TAF1: variants seen among roughly 807,000 people sequenced by gnomAD.
TAF1 encodes transcription initiation factor TFIID subunit 1.
A neutral mutation model predicts 138.5 loss-of-function variants in TAF1; 2 were observed. That is an observed-to-expected ratio of 0.01 (90% confidence interval 0.01 to 0.05). TAF1 has a LOEUF of 0.05. TAF1 is among the 10% of genes least tolerant of loss of function. The pLI, the probability that TAF1 is intolerant of heterozygous loss-of-function variation, is 1.00. For missense variants in TAF1, 709 were observed against 1,478.0 expected, an observed-to-expected ratio of 0.48 and a Z score of 8.53; for synonymous variants, 437 against 503.2, an observed-to-expected ratio of 0.87 and a Z score of 1.76.
chrX:71,381,662 CT>C lies in TAF1; in HGVS notation c.1361-76del, dbSNP rs2033899793. On this transcript the variant is annotated intron_variant, in intron 8 of 37. Coordinates refer to ENST00000423759, the MANE Select transcript of TAF1 (RefSeq NM_004606.5). Reference sequence around the variant, plus strand: ...ACTCGCTCTACTAACATGAGTAACTCTTTTTATCTTTGCCAGAATCTTGATT... The same window carrying C: ...ACTCGCTCTACTAACATGAGTAACTCTTTTATCTTTGCCAGAATCTTGATT... The C allele has an allele frequency of 3.7e-6, 4 of 1,084,803 alleles. No individual in the cohort carries two copies. The South Asian group carries it at 8.3e-5, about 22-fold the overall frequency. The allele number at this position is 1,084,803 out of a possible 1,213,427, so 89.4% of individuals were successfully genotyped here.
intron 13 of TAF1, among the ~76,000 whole-genome samples, chrX:71,508,086 C>CTCTATATA (rs4040068): frequency 1.4e-3 from 130 of 92,170 alleles, no homozygotes; most frequent in Non-Finnish European, 2.2e-3. Context: ...CTCTCTCTCT[C>CTCTATATA]TATATATATA....
chrX:71,492,993 C>T (rs2039323973), intron 13 of TAF1: 3 of 111,998 alleles, frequency 2.7e-5, no homozygotes, highest in Middle Eastern at 9.3e-3. Flanking sequence ...TCACTGTGCT[C>T]CACTGCAAGT....
chrX:71,379,596 CTTTTTTTT>C (rs10714417), intron 8 of TAF1, among the ~76,000 whole-genome samples: 1 of 57,591 alleles, frequency 1.7e-5, no homozygotes. Context: ...TGATAAAGAT[CTTTTTTTT>C]TTTTTTTTTT....
intron 13 of TAF1, among the ~76,000 whole-genome samples, chrX:71,504,344 G>C (rs914886710): frequency 1.8e-5 from 2 of 110,060 alleles, no homozygotes; most frequent in African/African-American, 6.6e-5. Flanking sequence ...TCATTTCATT[G>C]ATAAGACAAG....
intron 32 of TAF1, among the ~76,000 whole-genome samples, chrX:71,433,735 T>TA (rs745626578): frequency 8.1e-5 from 9 of 110,935 alleles, no homozygotes; most frequent in South Asian, 7.6e-4. Flanking sequence ...TCTGGCATAG[T>TA]AAAAAACAGG....
In TAF1 at chrX:71,392,993, A is replaced by G. The variant is rs762854119; in HGVS notation, c.3050A>G (p.Glu1017Gly). 8.3e-7 allele frequency: 1 copy of G among 1,211,393 alleles called. No homozygotes were observed. The highest frequency in any genetic ancestry group is 1.1e-6 in the Non-Finnish European group (1 of 895,414). ...CGTAAATTTGGTGTGCCTGAGGAAG[A>G]GGTGAGTGTGGAAGTGGAAAATTTA... ...LLRKFGVPEE[E>G]IKKLSRWEVI... The change falls in exon 20 of 38, where the codon GAG becomes GGG. Residue 1017 changes from glutamate to glycine, a missense_variant and splice_region_variant. Glu to Gly is a moderately conservative substitution (Grantham distance 98). Around this residue, in one of 14 missense-constraint regions of TAF1, gnomAD observed 31 missense variants for 140.4 expected, o/e 0.22. Coordinates refer to ENST00000423759, the MANE Select transcript of TAF1 (RefSeq NM_004606.5).
At chrX:71,390,562 C>T (rs1248640168) in intron 18 of TAF1, among the ~76,000 whole-genome samples, 1 of 111,496 alleles carries the variant, frequency 9.0e-6, no homozygotes, top group East Asian at 2.8e-4. Flanking sequence ...CTCTGTTACC[C>T]AGGCTGTACC....
In TAF1 at chrX:71,387,488, T is replaced by C. The variant is rs773429324; in HGVS notation, c.2427+27T>C. On this transcript the variant is annotated intron_variant, in intron 15 of 37. Coordinates refer to ENST00000423759, the MANE Select transcript of TAF1 (RefSeq NM_004606.5). ...TAAGAATGGGAGGATAGGGAGGGGATTGGGTTGTATACAGAAAGGGTATGT... is the reference window on the plus strand; with the variant it reads ...TAAGAATGGGAGGATAGGGAGGGGACTGGGTTGTATACAGAAAGGGTATGT... 76 of 1,206,114 alleles carry C rather than the reference T, an allele frequency of 6.3e-5. No individual in the cohort carries two copies. In the Admixed American group the frequency reaches 1.0e-3, roughly 16 times the overall value.
At chrX:71,395,160 C>T (rs2034780040) in intron 22 of TAF1, among the ~76,000 whole-genome samples, 1 of 111,479 alleles carries the variant, frequency 9.0e-6, no homozygotes, top group African/African-American at 3.3e-5. Flanking sequence ...ATCAAGGCAA[C>T]CTTAAGATTT....
At chrX:71,481,327 T>A (rs1202593086) in intron 13 of TAF1, among the ~76,000 whole-genome samples, 1 of 112,080 alleles carries the variant, frequency 8.9e-6, no homozygotes, top group African/African-American at 3.2e-5. Flanking sequence ...GACTGATATT[T>A]GACAGATAAA....
At chrX:71,444,196 C>T (rs766199866) in intron 32 of TAF1, among the ~76,000 whole-genome samples, 2 of 111,109 alleles carry the variant, frequency 1.8e-5, no homozygotes, top group South Asian at 3.7e-4. Flanking sequence ...TTAGTAGAGA[C>T]GGGGTTTTGC....
chrX:71,446,961 T>C (rs2037721445), intron 32 of TAF1, among the ~76,000 whole-genome samples: 1 of 112,332 alleles, frequency 8.9e-6, no homozygotes, highest in African/African-American at 3.2e-5. Flanking sequence ...GATTCACTTC[T>C]CTTTAATTTT....
At chrX:71,436,413 C>T (rs1369525061) in intron 32 of TAF1, among the ~76,000 whole-genome samples, 1 of 108,988 alleles carries the variant, frequency 9.2e-6, no homozygotes, top group Non-Finnish European at 1.9e-5. Flanking sequence ...GACGGGGTTT[C>T]ACCATGTTAG....
intron 28 of TAF1, among the ~76,000 whole-genome samples, chrX:71,415,422 CCACCG>C (rs2035988834): frequency 7.7e-5 from 1 of 12,952 alleles, no homozygotes; most frequent in African/African-American, 2.1e-4. Context: ...CAGGCATGAG[CCACCG>C]CACCCAGCCA....
chrX:71,407,804 TTTG>T, intron 27 of TAF1, 132 bp downstream of exon 27: 1 of 948,121 alleles, frequency 1.1e-6, no homozygotes, highest in East Asian at 3.2e-5. Flanking sequence ...GTTAGTTTTT[TTTG>T]TTTGTTTGTT....
At position 71,487,385 on chromosome X, in the gene TAF1, G is replaced by A. The variant is rs188649667; in HGVS notation, c.1366+26582G>A. ...GTCACCTAGGCTGGAGTGCAGTGGC[G>A]CGACCTTGGCTCACTGCAAGCTCTG... On this transcript the variant is annotated intron_variant and NMD_transcript_variant, in intron 13 of 14. Coordinates refer to the TAF1 transcript ENST00000373775. Among the ~76,000 whole-genome samples the A allele has an allele frequency of 1.4e-4, 14 of 98,375 alleles. No individual in the cohort carries two copies. The East Asian group carries it at 4.5e-3, about 31-fold the overall frequency. The allele number at this position is 98,375 out of a possible 115,157, so 85.4% of individuals were successfully genotyped here. A position where few individuals can be genotyped will look rare whatever the true frequency, so the allele number is the denominator to read the frequency against.
Position 71,456,442 on chromosome X carries a change from A to G in TAF1, c.4938+1585A>G, listed in dbSNP as rs373904712. On this transcript the variant is annotated intron_variant, in intron 34 of 37. Transcript: ENST00000423759. ...TCCCTTCACTCACAAACAGTTTAAG[A>G]TAGTAACCAACTCATTATCTCTTAA... 9.0e-5 allele frequency among the ~76,000 whole-genome samples: 10 copies of G among 110,755 alleles called. No individual in the cohort carries two copies. In the East Asian group the frequency reaches 2.0e-3, roughly 22 times the overall value.
intron 32 of TAF1, among the ~76,000 whole-genome samples, chrX:71,442,297 T>C (rs1274971215): frequency 4.5e-5 from 5 of 112,255 alleles, no homozygotes; most frequent in Non-Finnish European, 9.4e-5. Context: ...GTAAAAGTGT[T>C]CCTATTTCTC....
chrX:71,442,548 A>T (rs892819630), intron 32 of TAF1, among the ~76,000 whole-genome samples: 2 of 111,754 alleles, frequency 1.8e-5, no homozygotes, highest in Non-Finnish European at 3.8e-5. Context: ...TTTTTTGTAG[A>T]TTCTGGATAT....
Sources: gnomAD v4.1 joint callset for allele counts (sites outside exome capture counted in the v4.1 genomes callset) on GRCh38, gnomAD v4.1.1 for gene constraint, gnomAD v4.1.1 regional missense constraint, MANE v1.5 for transcripts, NCBI Gene and HGNC (gene_info 2026-07-23, HGNC 2026-07-21) for gene names.